The following VXN variants were observed in gnomAD, a reference collection of about 807,000 sequenced individuals.
The protein encoded by VXN is uncharacterized protein C8orf46.
VXN carries 7 observed loss-of-function variants against 23.1 expected under a neutral mutation model. The ratio of observed to expected loss-of-function variants is 0.30; its 90% CI spans 0.17 to 0.57. The LOEUF (loss-of-function observed/expected upper bound fraction) is 0.57, where lower values mean the gene tolerates loss of function less well. Among genes scored for constraint, VXN ranks in the 20% least tolerant of loss-of-function variants. The probability of loss-of-function intolerance (pLI) is 0.91; values close to 1 mark genes in which losing one functional copy is unlikely to be tolerated. For synonymous variants in VXN, 120 were observed against 105.8 expected (o/e 1.13, Z -0.83); for missense variants, 238 against 272.6 (o/e 0.87, Z 0.89).
Position 66,516,164 on chromosome 8 carries a change from C to T in VXN, c.*88C>T. 2 of 1,226,870 alleles carry T rather than the reference C, an allele frequency of 1.6e-6. No individual in the cohort carries two copies. The highest frequency in any genetic ancestry group is 3.1e-5 in the South Asian group (2 of 64,508). 76.0% of individuals were successfully genotyped at this position (1,226,870 alleles called of 1,614,324 possible). On this transcript the variant is annotated 3_prime_UTR_variant, in exon 6 of 6. Coordinates refer to ENST00000305454, the MANE Select transcript of VXN (RefSeq NM_152765.4). ...AGGATTGAAACTGAGCCACACGCAC[C>T]TCTGCTAGTAGCTGGTCCAAACCCA... is the stretch of plus-strand genomic sequence containing the variant.
At chr8:66,496,560 T>C (rs965140630) in intron 2 of VXN, 68 bp downstream of exon 2, 1 of 1,427,804 alleles carries the variant, frequency 7.0e-7, no homozygotes, top group Non-Finnish European at 9.9e-7. Context: ...AGGCTTCTTC[T>C]TCACTCTCGC....
At chr8:66,503,865 T>C (rs1056388848) in intron 2 of VXN, among the ~76,000 whole-genome samples, 2 of 152,214 alleles carry the variant, frequency 1.3e-5, no homozygotes, top group South Asian at 2.1e-4. Context: ...CCTAACACAC[T>C]GAGCTGCAAC....
rs980020683 is a variant in VXN, at chr8:66,516,162, A to C, written c.*86A>C. On this transcript the variant is annotated 3_prime_UTR_variant, in exon 6 of 6. Coordinates refer to ENST00000305454, the MANE Select transcript of VXN (RefSeq NM_152765.4). ...TCAGGATTGAAACTGAGCCACACGCACCTCTGCTAGTAGCTGGTCCAAACC... is the reference window on the plus strand; with the variant it reads ...TCAGGATTGAAACTGAGCCACACGCCCCTCTGCTAGTAGCTGGTCCAAACC... 8.0e-7 allele frequency: 1 copy of C among 1,254,002 alleles called. No individual in the cohort carries two copies. Among genetic ancestry groups the C allele is most frequent in the Non-Finnish European group, 1.1e-6 (1 of 928,630 alleles). The allele number at this position is 1,254,002 out of a possible 1,614,324, so 77.7% of individuals were successfully genotyped here.
At chr8:66,512,228 C>T (rs1807832344) in intron 4 of VXN, among the ~76,000 whole-genome samples, 1 of 152,120 alleles carries the variant, frequency 6.6e-6, no homozygotes, top group African/African-American at 2.4e-5. Context: ...CAAGTCCGTG[C>T]AAAGTGTGCT....
chr8:66,498,588 T>G (rs1807653053), intron 2 of VXN, among the ~76,000 whole-genome samples: 1 of 152,192 alleles, frequency 6.6e-6, no homozygotes, highest in Admixed American at 6.5e-5. Flanking sequence ...CCTGTATCAC[T>G]ATATCCTTTA....
rs144333198 is a variant in VXN, at chr8:66,515,599, G to A, written c.441-294G>A. Among the ~76,000 whole-genome samples the A allele has an allele frequency of 2.0e-5, 3 of 152,322 alleles. No homozygotes were observed. In the East Asian group the frequency reaches 5.8e-4, roughly 29 times the overall value. On this transcript the variant is annotated intron_variant, in intron 5 of 5. Coordinates refer to ENST00000305454, the MANE Select transcript of VXN (RefSeq NM_152765.4). The stretch of plus-strand genomic sequence containing the variant: ...GTTTGTTCACATAGAGGCTGAAGGG[G>A]TAGGTATGCAGAGCCTTTGGCAAGA...
chr8:66,508,928 A>G (rs1191696202), intron 3 of VXN, among the ~76,000 whole-genome samples: 4 of 152,206 alleles, frequency 2.6e-5, no homozygotes, highest in African/African-American at 9.7e-5. Context: ...TCAGGAGGTC[A>G]AGGCTGCAGT....
chr8:66,510,391 G>T, intron 4 of VXN: 2 of 486,410 alleles, frequency 4.1e-6, no homozygotes, highest in South Asian at 5.7e-5. Flanking sequence ...TCCGCTCTTA[G>T]GCAAACAAAA....
intron 5 of VXN, among the ~76,000 whole-genome samples, chr8:66,515,056 C>T (rs898839524): frequency 3.3e-5 from 5 of 152,296 alleles, no homozygotes; most frequent in Admixed American, 6.5e-5. Context: ...CTGTTATATC[C>T]AATAAATATC....
At chr8:66,503,987 A>C (rs1397552047) in intron 2 of VXN, among the ~76,000 whole-genome samples, 1 of 152,182 alleles carries the variant, frequency 6.6e-6, no homozygotes, top group Non-Finnish European at 1.5e-5. Context: ...TGCTACTGGC[A>C]TCCTTTGGTG....
At chr8:66,502,349 G>A (rs759745495) in intron 2 of VXN, among the ~76,000 whole-genome samples, 4 of 152,148 alleles carry the variant, frequency 2.6e-5, no homozygotes, top group Non-Finnish European at 5.9e-5. Flanking sequence ...ATAAGCAGGC[G>A]GTCAGCCATC....
chr8:66,495,405 C>A (rs1175129669), intron 1 of VXN, among the ~76,000 whole-genome samples: 1 of 152,204 alleles, frequency 6.6e-6, no homozygotes, highest in East Asian at 1.9e-4. Flanking sequence ...CTCTCTGGGC[C>A]TGAGTTTCCA....
In VXN at chr8:66,517,321, A is replaced by G. The variant is rs1053767980; in HGVS notation, c.*1245A>G. Reference sequence around the variant, plus strand: ...TTTCAGGCATGATACTAGGCAATTTATATATATCATCCTAATCTTTCTAAA... The same window carrying G: ...TTTCAGGCATGATACTAGGCAATTTGTATATATCATCCTAATCTTTCTAAA... On this transcript the variant is annotated 3_prime_UTR_variant, in exon 6 of 6. Transcript: ENST00000305454. The G allele has an allele frequency of 6.6e-6, 1 of 152,206 alleles. No individual in the cohort carries two copies. Among genetic ancestry groups the G allele is most frequent in the African/African-American group, 2.4e-5 (1 of 41,458 alleles). The allele number at this position is 152,206 out of a possible 1,614,324, so 9.4% of individuals were successfully genotyped here.
rs759593318 is a variant in VXN at position 66,505,229 on chromosome 8, C to G, written c.127-146C>G. 43 of 1,122,406 alleles carry G rather than the reference C, an allele frequency of 3.8e-5. 1 individual carries two copies. The highest frequency in any genetic ancestry group is 2.7e-4 in the South Asian group (20 of 74,866). The allele number at this position is 1,122,406 out of a possible 1,614,324, so 69.5% of individuals were successfully genotyped here. The stretch of plus-strand genomic sequence containing the variant: ...GGCCGGTTTCCTGCCCAGATTTTGT[C>G]GCTGTTCCTAGAATTCACTGGAATC... On this transcript the variant is annotated intron_variant, in intron 2 of 5. Transcript: ENST00000305454.
chr8:66,510,046 G>A (rs1807803922), intron 3 of VXN, 50 bp from the exon 4 acceptor site: 3 of 1,529,376 alleles, frequency 2.0e-6, no homozygotes, highest in African/African-American at 2.7e-5. Context: ...CCAGTGGGAG[G>A]CAGAACACAG....
chr8:66,507,731 G>A (rs1807775493), intron 3 of VXN, among the ~76,000 whole-genome samples: 1 of 147,234 alleles, frequency 6.8e-6, no homozygotes, highest in Non-Finnish European at 1.5e-5. Context: ...GAGAGAGAGA[G>A]ACTGAGCTGG....
intron 5 of VXN, among the ~76,000 whole-genome samples, chr8:66,514,967 ATT>A (rs1227135932): frequency 1.3e-5 from 2 of 152,266 alleles, no homozygotes; most frequent in Non-Finnish European, 2.9e-5. Context: ...GCTAGAAAGA[ATT>A]ATAAAAACCA....
At chr8:66,511,277 T>A (rs962181905) in intron 4 of VXN, among the ~76,000 whole-genome samples, 6 of 152,210 alleles carry the variant, frequency 3.9e-5, no homozygotes, top group African/African-American at 1.4e-4. Context: ...TCAGGCATCC[T>A]AGACTCTTTG....
At position 66,505,548 on chromosome 8, in the gene VXN, A is replaced by G. The variant is rs1444502562; in HGVS notation, c.280+20A>G. 2 of 1,465,626 alleles carry G rather than the reference A, an allele frequency of 1.4e-6. No homozygotes were observed. The highest frequency in any genetic ancestry group is 2.8e-5 in the African/African-American group (2 of 70,778). 90.8% of individuals were successfully genotyped at this position (1,465,626 alleles called of 1,614,324 possible). A position where few individuals can be genotyped will look rare whatever the true frequency, so the allele number is the denominator to read the frequency against. ...GACCCGGTACGTGAGTCCCGGCCCC[A>G]GCTCCCCGCACCTCCCTGGGCGCAG... On this transcript the variant is annotated intron_variant, in intron 3 of 5. Transcript: ENST00000305454.
Sources: gnomAD v4.1 joint callset for allele counts (sites outside exome capture counted in the v4.1 genomes callset) on GRCh38, gnomAD v4.1.1 for gene constraint, MANE v1.5 for transcripts, NCBI Gene and HGNC (gene_info 2026-07-23, HGNC 2026-07-21) for gene names.